Variants in MED27 observed in about 807,000 individuals in gnomAD.
The protein encoded by MED27 is mediator of RNA polymerase II transcription subunit 27.
A neutral mutation model predicts 38.2 loss-of-function variants in MED27; 30 were observed. That is an observed-to-expected ratio of 0.79 (90% CI 0.59 to 1.07). MED27 has a LOEUF of 1.07. MED27 is among the 50% of genes least tolerant of loss of function. MED27 has a pLI of 0.00. For missense variants in MED27, 289 were observed against 397.5 expected, an observed-to-expected ratio of 0.73 and a Z score of 2.32; for synonymous variants, 122 against 153.5, an observed-to-expected ratio of 0.79 and a Z score of 1.52.
At chr9:131,919,643 G>A (rs976581158) in intron 4 of MED27, among the ~76,000 whole-genome samples, 2 of 151,940 alleles carry the variant, frequency 1.3e-5, no homozygotes, top group Non-Finnish European at 2.9e-5. Context: ...ACAACAGTGC[G>A]GATAAAGACT....
intron 1 of MED27, among the ~76,000 whole-genome samples, chr9:132,078,404 A>G (rs1033613570): frequency 6.6e-6 from 1 of 152,228 alleles, no homozygotes; most frequent in Non-Finnish European, 1.5e-5. Flanking sequence ...TATCCTGAAC[A>G]TTACAAAGGG....
intron 3 of MED27, among the ~76,000 whole-genome samples, chr9:131,954,375 T>A (rs942590301): frequency 1.3e-5 from 2 of 152,088 alleles, no homozygotes. Context: ...CCTTTTGCCC[T>A]TTTCAAAGGA....
intron 2 of MED27, among the ~76,000 whole-genome samples, chr9:132,057,707 G>A (rs1261627339): frequency 1.3e-5 from 2 of 152,158 alleles, no homozygotes. Flanking sequence ...TTCCTAACAC[G>A]TGGTCCCAAA....
intron 4 of MED27, among the ~76,000 whole-genome samples, chr9:131,894,676 C>T (rs926935818): frequency 7.2e-5 from 11 of 151,852 alleles, no homozygotes; most frequent in Admixed American, 6.6e-4. Flanking sequence ...GAAAAAGGAA[C>T]CTGCTGTGCT....
intron 4 of MED27, among the ~76,000 whole-genome samples, chr9:131,906,568 A>G (rs1830066805): frequency 6.6e-6 from 1 of 152,206 alleles, no homozygotes; most frequent in Non-Finnish European, 1.5e-5. Flanking sequence ...TCAGTAGAAA[A>G]GTGGCATGTC....
chr9:131,979,945 TA>T (rs1831694549), intron 3 of MED27, among the ~76,000 whole-genome samples: 1 of 152,190 alleles, frequency 6.6e-6, no homozygotes, highest in Admixed American at 6.5e-5. Flanking sequence ...ATTTTTTATT[TA>T]AAGCATAATA....
At chr9:132,021,585 T>C (rs987546099) in intron 2 of MED27, among the ~76,000 whole-genome samples, 1 of 152,186 alleles carries the variant, frequency 6.6e-6, no homozygotes, top group Non-Finnish European at 1.5e-5. Flanking sequence ...CTGCCTTGCA[T>C]GGTCTGAGAG....
At chr9:132,071,227 C>T (rs542306804) in intron 2 of MED27, among the ~76,000 whole-genome samples, 1 of 152,300 alleles carries the variant, frequency 6.6e-6, no homozygotes. Context: ...TCAGGTAACA[C>T]AGCATGTGAG....
chr9:132,047,064 A>G (rs180727550), intron 2 of MED27, among the ~76,000 whole-genome samples: 25 of 152,300 alleles, frequency 1.6e-4, no homozygotes, highest in African/African-American at 5.5e-4. Flanking sequence ...GTGTGTGTGT[A>G]TATATATACA....
intron 6 of MED27, among the ~76,000 whole-genome samples, chr9:131,870,443 C>T (rs201289397): frequency 6.6e-6 from 1 of 152,218 alleles, no homozygotes; most frequent in East Asian, 1.9e-4. Flanking sequence ...TGAATCCCCA[C>T]GATGACCTTA....
intron 5 of MED27, 28 bp from the exon 6 acceptor site, chr9:131,884,127 A>T: frequency 1.3e-6 from 2 of 1,582,852 alleles, no homozygotes; most frequent in Non-Finnish European, 1.7e-6. Context: ...AAGGATCATC[A>T]GCATCGGTCT....
At chr9:131,974,927 T>C (rs895506248) in intron 3 of MED27, among the ~76,000 whole-genome samples, 1 of 152,180 alleles carries the variant, frequency 6.6e-6, no homozygotes. Context: ...GCATATATCT[T>C]TTTTTAAGAC....
chr9:132,021,396 A>G (rs1347920617), intron 2 of MED27, among the ~76,000 whole-genome samples: 1 of 120,142 alleles, frequency 8.3e-6, no homozygotes, highest in Non-Finnish European at 1.7e-5. Flanking sequence ...GTGGCTAACA[A>G]TGGAAGAAAC....
At chr9:131,977,502 G>T (rs1484459468) in intron 3 of MED27, among the ~76,000 whole-genome samples, 1 of 152,126 alleles carries the variant, frequency 6.6e-6, no homozygotes, top group Admixed American at 6.5e-5. Context: ...CTCCAACACA[G>T]CCCTTGTTCC....
At chr9:132,044,937 G>A (rs1362323826) in intron 2 of MED27, among the ~76,000 whole-genome samples, 1 of 152,074 alleles carries the variant, frequency 6.6e-6, no homozygotes, top group Non-Finnish European at 1.5e-5. Context: ...AGATCAATTA[G>A]AGTTAAAAGT....
chr9:131,927,661 T>C (rs1443673709), intron 4 of MED27, among the ~76,000 whole-genome samples: 3 of 152,144 alleles, frequency 2.0e-5, no homozygotes, highest in Non-Finnish European at 4.4e-5. Context: ...TGACTACTCC[T>C]AAGGTTCTGA....
intron 3 of MED27, among the ~76,000 whole-genome samples, chr9:132,006,727 C>T (rs946570401): frequency 6.6e-5 from 10 of 151,938 alleles, no homozygotes; most frequent in East Asian, 1.9e-4. Context: ...CAGGAAGCTA[C>T]GAGAAGAGAC....
At chr9:131,990,512 C>T (rs1831947950) in intron 3 of MED27, among the ~76,000 whole-genome samples, 1 of 152,222 alleles carries the variant, frequency 6.6e-6, no homozygotes, top group Admixed American at 6.5e-5. Context: ...GAGGAGTACT[C>T]AGAACACTCA....
intron 6 of MED27, among the ~76,000 whole-genome samples, chr9:131,866,535 G>C (rs1385297265): frequency 6.6e-6 from 1 of 152,204 alleles, no homozygotes; most frequent in South Asian, 2.1e-4. Flanking sequence ...TTCCCATCTT[G>C]CCTGTCTCAA....
Sources: allele counts gnomAD v4.1 joint callset (sites outside exome capture counted in the v4.1 genomes callset), GRCh38; gene constraint gnomAD v4.1.1; transcripts MANE v1.5; gene names NCBI Gene and HGNC (gene_info 2026-07-23, HGNC 2026-07-21).